C1orf159: variants seen among roughly 807,000 people sequenced by gnomAD.
The protein encoded by C1orf159 is chromosome 1 open reading frame 159.
Under a neutral mutation model 25.6 loss-of-function variants are expected in C1orf159, and 19 were observed. The observed-to-expected ratio is 0.74, with a 90% CI of 0.52 to 1.09. The LOEUF is 1.09. C1orf159 is among the 50% of genes least tolerant of loss of function. The probability of loss-of-function intolerance (pLI) is 0.00; values close to 1 mark genes in which losing one functional copy is unlikely to be tolerated. For missense variants in C1orf159, 274 were observed against 290.6 expected (o/e 0.94, Z 0.42); for synonymous variants, 139 against 124.7 (o/e 1.12, Z -0.77).
chr1:1,096,990 C>T (rs993475513), intron 1 of C1orf159, among the ~76,000 whole-genome samples: 31 of 152,208 alleles, frequency 2.0e-4, no homozygotes, highest in Admixed American at 1.2e-3. Context: ...CCTCCTGCCT[C>T]GGTCTCCCAA....
chr1:1,110,328 C>T lies in C1orf159; in HGVS notation c.-136+5732G>A, dbSNP rs1235208185. On this transcript the variant is annotated intron_variant, in intron 1 of 9. Transcript: ENST00000421241. This position sits in a 1 kb window ranked among gnomAD's most constrained non-coding sequence, Gnocchi z 4.8. ...GGGAGCTCGTTCAGTCGGCGGGGGA[C>T]TTAGGATTTTATTCTTAGTTTACAA... 1.3e-5 allele frequency among the ~76,000 whole-genome samples: 2 copies of T among 152,036 alleles called. No homozygotes were observed. Among genetic ancestry groups the T allele is most frequent in the Non-Finnish European group, 2.9e-5 (2 of 68,018 alleles).
intron 6 of C1orf159, 140 bp from the exon 7 acceptor site, chr1:1,086,152 G>A (rs1645827717): frequency 9.1e-7 from 1 of 1,092,926 alleles, no homozygotes; most frequent in Admixed American, 2.3e-5. Context: ...GGGTGCCGAG[G>A]GCTCTGCACA....
intron 4 of C1orf159, among the ~76,000 whole-genome samples, chr1:1,088,200 AC>A (rs1342983167): frequency 0.02 from 317 of 15,520 alleles, no homozygotes; most frequent in South Asian, 0.041. Context: ...CTCCCCCAGG[AC>A]CCCCCCCCCA....
chr1:1,109,719 T>C (rs773073062), intron 1 of C1orf159, among the ~76,000 whole-genome samples: 1 of 152,204 alleles, frequency 6.6e-6, no homozygotes, highest in Non-Finnish European at 1.5e-5. Flanking sequence ...TCCTCTCTCC[T>C]GTCTTAATGC....
rs975454001 is a variant in C1orf159 at position 1,089,762 on chromosome 1, C to T, written c.148+591G>A. On this transcript the variant is annotated intron_variant, in intron 4 of 9. Coordinates refer to ENST00000421241, the MANE Select transcript of C1orf159 (RefSeq NM_017891.5). This position sits in a 1 kb window ranked among gnomAD's most constrained non-coding sequence, Gnocchi z 7.5. ...CCAAGGAGTGGCCCTTGCACCTTCT[C>T]ACTCTGTCCTCCCCTCCCCTGGCTG... 7.9e-5 allele frequency among the ~76,000 whole-genome samples: 12 copies of T among 152,290 alleles called. No homozygotes were observed. Among genetic ancestry groups the T allele is most frequent in the Non-Finnish European group, 1.6e-4 (11 of 68,012 alleles).
At chr1:1,100,712 C>T (rs1347914783) in intron 1 of C1orf159, among the ~76,000 whole-genome samples, 2 of 152,174 alleles carry the variant, frequency 1.3e-5, no homozygotes, top group Non-Finnish European at 2.9e-5. Context: ...TTTAAAAATT[C>T]CTTTCCAAGT....
chr1:1,107,232 G>A (rs184690051), intron 1 of C1orf159, among the ~76,000 whole-genome samples: 171 of 152,410 alleles, frequency 1.1e-3, no homozygotes, highest in Non-Finnish European at 2.1e-3. Flanking sequence ...CCTGAGTCGG[G>A]TGAGGACTTG....
At chr1:1,092,801 T>A (rs1032252152) in intron 1 of C1orf159, 1 of 152,334 alleles carries the variant, frequency 6.6e-6, no homozygotes, top group African/African-American at 2.4e-5. Flanking sequence ...GGTGTGAGCC[T>A]GCCGGAGGAC....
intron 1 of C1orf159, among the ~76,000 whole-genome samples, chr1:1,104,745 G>A (rs975060123): frequency 1.3e-5 from 2 of 151,934 alleles, no homozygotes; most frequent in Non-Finnish European, 2.9e-5. Flanking sequence ...AAGTGCAGAC[G>A]CATTCAAGCT....
At chr1:1,101,339 TC>T (rs749145547) in intron 1 of C1orf159, among the ~76,000 whole-genome samples, 1 of 152,000 alleles carries the variant, frequency 6.6e-6, no homozygotes, top group Non-Finnish European at 1.5e-5. Context: ...AAAAATTAGC[TC>T]AGCATGGTAG....
Position 1,104,267 on chromosome 1 carries a change from G to A in C1orf159, c.-136+11793C>T, listed in dbSNP as rs376151035. ...CTCCCAAAGTGCTGGGATCACAGGC[G>A]TGAGCCACTGCACCCGGCCCAGACA... On this transcript the variant is annotated intron_variant, in intron 1 of 9. Coordinates refer to ENST00000421241, the MANE Select transcript of C1orf159 (RefSeq NM_017891.5). Among the ~76,000 whole-genome samples, 167 of 152,330 alleles carry A rather than the reference G, an allele frequency of 1.1e-3. 1 individual carries two copies. Among genetic ancestry groups the A allele is most frequent in the African/African-American group, 3.7e-3 (154 of 41,572 alleles).
chr1:1,112,009 C>T (rs1646263326), intron 1 of C1orf159, among the ~76,000 whole-genome samples: 1 of 152,202 alleles, frequency 6.6e-6, no homozygotes, highest in South Asian at 2.1e-4. Flanking sequence ...GCCCACCTAC[C>T]CGTGGGCTCA....
chr1:1,091,405 G>A lies in C1orf159; in HGVS notation c.72+67C>T, dbSNP rs1439055269. 2.2e-6 allele frequency: 3 copies of A among 1,369,470 alleles called. No homozygotes were observed. In the African/African-American group the frequency reaches 4.3e-5, roughly 20 times the overall value. 84.8% of individuals were successfully genotyped at this position (1,369,470 alleles called of 1,614,324 possible). A position where few individuals can be genotyped will look rare whatever the true frequency, so the allele number is the denominator to read the frequency against. ...GGTGGAAGGGTTAGACCCTCTAGGG[G>A]AAGGGCCCACCGCCCTCCACAGAGG... On this transcript the variant is annotated intron_variant, in intron 3 of 9. Coordinates refer to ENST00000421241, the MANE Select transcript of C1orf159 (RefSeq NM_017891.5).
intron 4 of C1orf159, among the ~76,000 whole-genome samples, chr1:1,088,522 C>T (rs543618176): frequency 6.6e-6 from 1 of 150,794 alleles, no homozygotes; most frequent in East Asian, 2.0e-4. Context: ...GGGTCTCTCT[C>T]GGGGGATCCT....
intron 4 of C1orf159, among the ~76,000 whole-genome samples, chr1:1,090,045 A>G (rs556989660): frequency 1.3e-5 from 2 of 152,332 alleles, no homozygotes; most frequent in African/African-American, 4.8e-5. Context: ...CAGCCCCGTG[A>G]GAATGGCTGA....
At chr1:1,084,428 G>A (rs772929597) in intron 8 of C1orf159, 45 bp from the exon 9 acceptor site, 1 of 1,583,202 alleles carries the variant, frequency 6.3e-7, no homozygotes, top group Admixed American at 1.9e-5. Context: ...GGATGGCCTG[G>A]CACAGGCACA....
At position 1,089,583 on chromosome 1, in the gene C1orf159, G is replaced by A. The variant is rs1023927813; in HGVS notation, c.148+770C>T. Among the ~76,000 whole-genome samples the A allele has an allele frequency of 2.0e-5, 3 of 152,064 alleles. No individual in the cohort carries two copies. The highest frequency in any genetic ancestry group is 4.4e-5 in the Non-Finnish European group (3 of 68,002). ...AGCCTCACTGGCTGCCACAGCCGCC[G>A]TCTTGACCACGCCCTCCTCACGAGG... On this transcript the variant is annotated intron_variant, in intron 4 of 9. Coordinates refer to ENST00000421241, the MANE Select transcript of C1orf159 (RefSeq NM_017891.5). The surrounding 1 kb of genome is among the most constrained non-coding windows in gnomAD (Gnocchi z 7.5).
intron 1 of C1orf159, among the ~76,000 whole-genome samples, chr1:1,111,037 C>T (rs904344521): frequency 2.0e-5 from 3 of 152,212 alleles, no homozygotes; most frequent in Admixed American, 6.5e-5. Flanking sequence ...AACAATTGAA[C>T]TGGACACAAG....
chr1:1,109,204 A>G (rs1215871340), intron 1 of C1orf159, among the ~76,000 whole-genome samples: 1 of 152,170 alleles, frequency 6.6e-6, no homozygotes, highest in Non-Finnish European at 1.5e-5. Flanking sequence ...CAGTCCTGAA[A>G]AGAAATTTTG....
Sources: allele counts gnomAD v4.1 joint callset (sites outside exome capture counted in the v4.1 genomes callset), GRCh38; gene constraint gnomAD v4.1.1; non-coding constraint Gnocchi (gnomAD v3.1); transcripts MANE v1.5; gene names NCBI Gene and HGNC (gene_info 2026-07-23, HGNC 2026-07-21).